The following FYB2 variants were observed in gnomAD, a reference collection of about 807,000 sequenced individuals.
The protein encoded by FYB2 is FYN-binding protein 2.
In FYB2, 103 loss-of-function variants were observed where a neutral mutation model predicts 94.1. The observed-to-expected ratio is 1.09, with a 90% CI of 0.93 to 1.29. The LOEUF (loss-of-function observed/expected upper bound fraction) is 1.29, where lower values mean the gene tolerates loss of function less well. Among genes scored for constraint, FYB2 ranks in the 50% most tolerant of loss-of-function variants. The pLI is 0.00. For missense variants in FYB2, 896 were observed against 841.5 expected, an observed-to-expected ratio of 1.06 and a Z score of -0.80; for synonymous variants, 293 against 287.9, an observed-to-expected ratio of 1.02 and a Z score of -0.18.
At chr1:56,732,515 G>A (rs1644733513) in intron 15 of FYB2, among the ~76,000 whole-genome samples, 1 of 152,084 alleles carries the variant, frequency 6.6e-6, no homozygotes, top group African/African-American at 2.4e-5. Flanking sequence ...AAGACCCCAA[G>A]TAGCTGAAGC....
In FYB2 at chr1:56,789,140, C is replaced by T. The variant is rs752932085; in HGVS notation, c.758-6G>A. On this transcript the variant is annotated splice_polypyrimidine_tract_variant and splice_region_variant and intron_variant, in intron 2 of 19. Coordinates refer to ENST00000343433, the MANE Select transcript of FYB2 (RefSeq NM_001004303.5). The stretch of plus-strand genomic sequence containing the variant: ...CCTGACATCTGGCTGTTTTTCTGAA[C>T]ACAAGACAGTAAAAAATGTAAGTTA... 13 of 1,552,866 alleles carry T rather than the reference C, an allele frequency of 8.4e-6. No individual in the cohort carries two copies. Among genetic ancestry groups the T allele is most frequent in the Admixed American group, 8.3e-5 (4 of 47,916 alleles).
upstream of FYB2, among the ~76,000 whole-genome samples, chr1:56,822,769 T>G (rs1647000172): frequency 6.6e-6 from 1 of 151,712 alleles, no homozygotes; most frequent in South Asian, 2.1e-4. Context: ...AAGGAGCATT[T>G]AAAACAGATC....
At position 56,819,262 on chromosome 1, in the gene FYB2, C is replaced by T. The variant is rs765485883; in HGVS notation, c.9+20G>A. 1 of 1,614,236 alleles carries T rather than the reference C, an allele frequency of 6.2e-7. No homozygotes were observed. Among genetic ancestry groups the T allele is most frequent in the East Asian group, 2.2e-5 (1 of 44,884 alleles). ...GAAAAGACACACAGAAAGCCAGCAA[C>T]AAAACTGAGACAGCCTTACCCCTTC... On this transcript the variant is annotated intron_variant, in intron 1 of 19. Transcript: ENST00000343433.
intron 17 of FYB2, 102 bp downstream of exon 17, chr1:56,723,486 A>G (rs913418772): frequency 3.1e-5 from 19 of 610,882 alleles, no homozygotes; most frequent in Non-Finnish European, 4.4e-5. Flanking sequence ...TCATGTCTGT[A>G]TCTCAGAGAG....
Position 56,792,269 on chromosome 1 carries a change from G to T in FYB2, c.544C>A (p.Pro182Thr). Reference protein sequence around the residue: ...QKGMGLTPEEPRKKLETKGAQ... With the variant: ...QKGMGLTPEETRKKLETKGAQ... ...CCTTTTGTTTCCAGCTTTTTCCTGGGTTCCTCTGGAGTAAGCCCCATGCCT... is the reference window on the plus strand; with the variant it reads ...CCTTTTGTTTCCAGCTTTTTCCTGGTTTCCTCTGGAGTAAGCCCCATGCCT... Residue 182 changes from proline to threonine, a missense_variant, in exon 2 of 20, where the codon CCC (proline) becomes ACC (threonine). By Grantham distance (38) the Pro-to-Thr change is conservative. Transcript: ENST00000343433. 1 of 1,612,588 alleles carries T rather than the reference G, an allele frequency of 6.2e-7. No homozygotes were observed. Among genetic ancestry groups the T allele is most frequent in the South Asian group, 1.1e-5 (1 of 90,720 alleles).
intron 15 of FYB2, among the ~76,000 whole-genome samples, chr1:56,729,636 T>A (rs1644659839): frequency 6.6e-6 from 1 of 152,114 alleles, no homozygotes; most frequent in Non-Finnish European, 1.5e-5. Context: ...AAACATCCTA[T>A]TTAAACTGCA....
intron 2 of FYB2, among the ~76,000 whole-genome samples, chr1:56,791,567 C>A (rs1421027863): frequency 1.3e-5 from 2 of 152,240 alleles, no homozygotes; most frequent in East Asian, 3.9e-4. Flanking sequence ...CCTTTCATAA[C>A]TTAGATAATA....
chr1:56,824,766 A>G, the FYB2 span: 3 of 152,262 alleles, frequency 2.0e-5, no homozygotes, highest in Non-Finnish European at 4.4e-5. Context: ...AGCTACATTT[A>G]CAGAGTGGCC....
In FYB2 at chr1:56,719,585, T is replaced by C. The variant is rs1416156646; in HGVS notation, c.*86A>G. 4.1e-6 allele frequency: 5 copies of C among 1,227,904 alleles called. No individual in the cohort carries two copies. The highest frequency in any genetic ancestry group is 5.7e-6 in the Non-Finnish European group (5 of 883,924). The allele number at this position is 1,227,904 out of a possible 1,614,324, so 76.1% of individuals were successfully genotyped here. A position where few individuals can be genotyped will look rare whatever the true frequency, so the allele number is the denominator to read the frequency against. On this transcript the variant is annotated 3_prime_UTR_variant, in exon 20 of 20. Transcript: ENST00000343433. Reference sequence around the variant, plus strand: ...ATTCCACCATCTCAAAATTTTGACATGTAAACTGAAACTGATGTAACGCAG... The same window carrying C: ...ATTCCACCATCTCAAAATTTTGACACGTAAACTGAAACTGATGTAACGCAG...
In FYB2 at chr1:56,741,469, C is replaced by T. The variant is rs770126140; in HGVS notation, c.1605-674G>A. On this transcript the variant is annotated intron_variant, in intron 12 of 19. Coordinates refer to ENST00000343433, the MANE Select transcript of FYB2 (RefSeq NM_001004303.5). ...ATAGCAGTGATGGTACATTGATTAC[C>T]CAGCTGATGATTACAATTCTGTCAA... 2.6e-5 allele frequency among the ~76,000 whole-genome samples: 4 copies of T among 151,810 alleles called. No individual in the cohort carries two copies. The East Asian group carries it at 5.8e-4, about 22-fold the overall frequency.
chr1:56,801,667 C>A (rs1268294522), intron 1 of FYB2, among the ~76,000 whole-genome samples: 2 of 152,192 alleles, frequency 1.3e-5, no homozygotes, highest in African/African-American at 4.8e-5. Flanking sequence ...ACCCACTTGC[C>A]TTTTCTGGTG....
chr1:56,800,120 G>C (rs1186946212), intron 1 of FYB2, among the ~76,000 whole-genome samples: 1 of 152,186 alleles, frequency 6.6e-6, no homozygotes, highest in Non-Finnish European at 1.5e-5. Flanking sequence ...GCAAATCCAA[G>C]AGCCTTAAGG....
At chr1:56,750,325 G>A (rs894893417) in intron 9 of FYB2, among the ~76,000 whole-genome samples, 3 of 151,934 alleles carry the variant, frequency 2.0e-5, no homozygotes, top group Admixed American at 6.6e-5. Flanking sequence ...CCAAAATCAC[G>A]GGGTTAGTAT....
At chr1:56,758,581 A>C (rs6694629) in intron 6 of FYB2, 135 bp downstream of exon 6, 112,819 of 637,410 alleles carry the variant, frequency 0.18, 11,293 homozygotes, top group African/African-American at 0.3. Context: ...TAGAAGCTGG[A>C]GTCTGGAAAA....
At chr1:56,726,673 A>AAAAAATT (rs1412271882) in intron 15 of FYB2, 90 bp from the exon 16 acceptor site, 25 of 1,035,214 alleles carry the variant, frequency 2.4e-5, no homozygotes, top group Non-Finnish European at 3.5e-5. Flanking sequence ...TATGTTTTAC[A>AAAAAATT]AAAAATTAAA....
Position 56,737,155 on chromosome 1 carries a change from C to T in FYB2, c.1733-8G>A, listed in dbSNP as rs1488188052. 7 of 1,595,230 alleles carry T rather than the reference C, an allele frequency of 4.4e-6. No individual in the cohort carries two copies. The highest frequency in any genetic ancestry group is 6.0e-6 in the Non-Finnish European group (7 of 1,167,410). On this transcript the variant is annotated splice_polypyrimidine_tract_variant and splice_region_variant and intron_variant, in intron 14 of 19. Transcript: ENST00000343433. The stretch of plus-strand genomic sequence containing the variant: ...CTTCCTGAGACTTAAGTTCTAGGGT[C>T]AAGACAGAATCAAAATAGTCCATTA...
At chr1:56,819,863 A>G (rs1216984443), upstream of FYB2, among the ~76,000 whole-genome samples, 1 of 152,184 alleles carries the variant, frequency 6.6e-6, no homozygotes, top group Non-Finnish European at 1.5e-5. Flanking sequence ...GAGGCCAGAA[A>G]AGGAGTTAAC....
chr1:56,737,874 A>G lies in FYB2; in HGVS notation c.1733-727T>C, dbSNP rs74224435. ...GTCAGCTTTTTTCTTTTAAACACAG[A>G]CCAAGGATATGTTGAGATGTGGGAT... On this transcript the variant is annotated intron_variant, in intron 14 of 19. Coordinates refer to ENST00000343433, the MANE Select transcript of FYB2 (RefSeq NM_001004303.5). Among the ~76,000 whole-genome samples, 751 of 152,176 alleles carry G rather than the reference A, an allele frequency of 4.9e-3. 32 individuals carry two copies. In the East Asian group the frequency reaches 0.11, roughly 22 times the overall value.
At chr1:56,826,126 C>G in the FYB2 span, among the ~76,000 whole-genome samples, 1 of 152,226 alleles carries the variant, frequency 6.6e-6, no homozygotes, top group Non-Finnish European at 1.5e-5. Context: ...CTAGCTTCAC[C>G]TCAGGAGATG....
Sources: gnomAD v4.1 joint callset for allele counts (sites outside exome capture counted in the v4.1 genomes callset) on GRCh38, gnomAD v4.1.1 for gene constraint, MANE v1.5 for transcripts, NCBI Gene and HGNC (gene_info 2026-07-23, HGNC 2026-07-21) for gene names.